The following RBFOX2 variants were observed in gnomAD, a reference collection of about 807,000 sequenced individuals.
The protein encoded by RBFOX2 is RNA binding fox-1 homolog 2.
In RBFOX2, 10 loss-of-function variants were observed where a neutral mutation model predicts 49.1. That is an observed-to-expected ratio of 0.20 (90% CI 0.13 to 0.35). The LOEUF (loss-of-function observed/expected upper bound fraction) is 0.35. RBFOX2 is among the 10% of genes least tolerant of loss of function. RBFOX2 has a pLI of 1.00. For missense variants in RBFOX2, 323 were observed against 486.9 expected, an observed-to-expected ratio of 0.66 and a Z score of 3.17; for synonymous variants, 183 against 187.4, an observed-to-expected ratio of 0.98 and a Z score of 0.19.
intron 1 of RBFOX2, among the ~76,000 whole-genome samples, chr22:35,991,689 G>A (rs762995935): frequency 7.9e-5 from 12 of 152,106 alleles, no homozygotes; most frequent in South Asian, 4.1e-4. Flanking sequence ...AAGAAACCAC[G>A]GCCTAAAATA....
chr22:35,769,058 T>C (rs9610350), intron 4 of RBFOX2, among the ~76,000 whole-genome samples: 12,495 of 152,242 alleles, frequency 0.082, 748 homozygotes, highest in Non-Finnish European at 0.12. Flanking sequence ...CCTTTTTAAA[T>C]GACCAGATTG....
intron 9 of RBFOX2, chr22:35,747,926 G>A (rs1933388040): frequency 6.6e-6 from 1 of 151,994 alleles, no homozygotes; most frequent in African/African-American, 2.4e-5. Flanking sequence ...TCATTTCTTG[G>A]GATTGAGAAC....
chr22:35,986,863 C>A (rs2057747105), intron 1 of RBFOX2, among the ~76,000 whole-genome samples: 2 of 152,088 alleles, frequency 1.3e-5, no homozygotes. Flanking sequence ...TAGACACCAG[C>A]CAATTCTGAA....
intron 1 of RBFOX2, among the ~76,000 whole-genome samples, chr22:35,982,239 A>G (rs923936653): frequency 3.3e-5 from 5 of 151,882 alleles, no homozygotes; most frequent in African/African-American, 1.2e-4. Context: ...TAATTCCCCC[A>G]CCCTGTGTTC....
exon 12 of RBFOX2, chr22:35,743,884 T>C (rs1362143919): frequency 1.9e-5 from 5 of 265,158 alleles, no homozygotes; most frequent in East Asian, 6.7e-5. Flanking sequence ...TCTTCCGTGA[T>C]TGATAGAATA....
intron 3 of RBFOX2, 74 bp from the exon 5 acceptor site, chr22:35,778,152 G>A: frequency 1.6e-6 from 2 of 1,228,042 alleles, no homozygotes; most frequent in South Asian, 2.6e-5. Flanking sequence ...TTCTGAAATG[G>A]GAATAGTTTA....
intron 1 of RBFOX2, among the ~76,000 whole-genome samples, chr22:35,928,024 G>C (rs1398150424): frequency 2.0e-5 from 3 of 151,994 alleles, no homozygotes; most frequent in Non-Finnish European, 4.4e-5. Flanking sequence ...AAATAAATGA[G>C]AAAAATGACT....
At chr22:35,740,903 CCT>C (rs1237177970) in exon 12 of RBFOX2, 3 of 152,128 alleles carry the variant, frequency 2.0e-5, no homozygotes, top group African/African-American at 4.8e-5. Flanking sequence ...CAGTTTAGCC[CCT>C]GAGGAGTCAC....
At chr22:35,975,471 T>C (rs1054162065) in intron 1 of RBFOX2, among the ~76,000 whole-genome samples, 5 of 152,192 alleles carry the variant, frequency 3.3e-5, no homozygotes, top group Non-Finnish European at 7.4e-5. Context: ...ATTAAGAAAA[T>C]GTAATGCCAA....
In RBFOX2 at chr22:35,926,873, G is replaced by A. The variant is rs117301363; in HGVS notation, c.-34+11974C>T. 8.3e-4 allele frequency among the ~76,000 whole-genome samples: 126 copies of A among 151,760 alleles called. 1 individual carries two copies. The East Asian group carries it at 0.024, about 29-fold the overall frequency. On this transcript the variant is annotated intron_variant, in intron 1 of 13. Coordinates refer to the RBFOX2 transcript ENST00000359369. The stretch of plus-strand genomic sequence containing the variant: ...AACTTGGGCCCAGAGATGAGAAGAT[G>A]AGAAGAGACTTTCTGGGTTACCTGG...
intron 1 of RBFOX2, among the ~76,000 whole-genome samples, chr22:35,911,755 T>C (rs2049859565): frequency 6.6e-6 from 1 of 152,156 alleles, no homozygotes. Flanking sequence ...AAGTACCTTA[T>C]TCTAATCCAA....
intron 1 of RBFOX2, among the ~76,000 whole-genome samples, chr22:35,924,190 C>G (rs1244640005): frequency 6.6e-6 from 1 of 152,180 alleles, no homozygotes; most frequent in Non-Finnish European, 1.5e-5. Flanking sequence ...TAGGACACCC[C>G]CTGTCCCATG....
intron 1 of RBFOX2, among the ~76,000 whole-genome samples, chr22:35,928,073 T>C (rs550249731): frequency 6.6e-6 from 1 of 152,328 alleles, no homozygotes; most frequent in Admixed American, 6.5e-5. Flanking sequence ...TTACATATGT[T>C]ATCTCTAATA....
chr22:35,909,911 C>T lies in RBFOX2; in HGVS notation c.-34+28936G>A, dbSNP rs963998537. On this transcript the variant is annotated intron_variant, in intron 1 of 13. Coordinates refer to the RBFOX2 transcript ENST00000359369. Reference sequence around the variant, plus strand: ...TATAGGCGTGAGCCACTGTGCCGGGCCTTACTTTCTTTTTTAGGCAGAAAA... The same window carrying T: ...TATAGGCGTGAGCCACTGTGCCGGGTCTTACTTTCTTTTTTAGGCAGAAAA... Among the ~76,000 whole-genome samples, 5 of 152,198 alleles carry T rather than the reference C, an allele frequency of 3.3e-5. 1 individual carries two copies. In the South Asian group the frequency reaches 1.0e-3, roughly 31 times the overall value.
At chr22:35,905,341 G>A (rs1406593570) in intron 1 of RBFOX2, among the ~76,000 whole-genome samples, 1 of 152,126 alleles carries the variant, frequency 6.6e-6, no homozygotes, top group Non-Finnish European at 1.5e-5. Context: ...GTGCCACTTA[G>A]TAAGGCAAAA....
At chr22:36,011,939 C>T (rs1264354777) in intron 1 of RBFOX2, among the ~76,000 whole-genome samples, 2 of 152,162 alleles carry the variant, frequency 1.3e-5, no homozygotes, top group Non-Finnish European at 2.9e-5. Flanking sequence ...AGTATACTGA[C>T]TATTTTCCAT....
chr22:35,986,242 T>C (rs1253830126), intron 1 of RBFOX2, among the ~76,000 whole-genome samples: 1 of 152,138 alleles, frequency 6.6e-6, no homozygotes, highest in Non-Finnish European at 1.5e-5. Flanking sequence ...AAATCAATTA[T>C]GCTGAAGACT....
intron 1 of RBFOX2, among the ~76,000 whole-genome samples, chr22:35,976,652 A>C (rs532832763): frequency 1.1e-4 from 17 of 152,230 alleles, no homozygotes; most frequent in South Asian, 2.1e-4. Flanking sequence ...AGAATTTCAA[A>C]ATGAACTCAG....
At chr22:35,929,663 T>G (rs1377898994) in intron 1 of RBFOX2, among the ~76,000 whole-genome samples, 1 of 152,180 alleles carries the variant, frequency 6.6e-6, no homozygotes, top group Non-Finnish European at 1.5e-5. Flanking sequence ...TTTTTTTTGT[T>G]TTTTTTGAGA....
Sources: allele counts gnomAD v4.1 joint callset (sites outside exome capture counted in the v4.1 genomes callset), GRCh38; gene constraint gnomAD v4.1.1; transcripts MANE v1.5; gene names NCBI Gene and HGNC (gene_info 2026-07-23, HGNC 2026-07-21).